Variants in GLIS1 observed in about 807,000 individuals in gnomAD.
GLIS1 encodes GLIS family zinc finger 1, also known as zinc finger protein GLIS1.
Under a neutral mutation model 63.8 loss-of-function variants are expected in GLIS1, and 24 were observed. The ratio of observed to expected loss-of-function variants is 0.38; its 90% CI spans 0.27 to 0.53. The LOEUF (loss-of-function observed/expected upper bound fraction) is 0.53. GLIS1 is among the 20% of genes least tolerant of loss of function. GLIS1 has a pLI of 0.85. For missense variants in GLIS1, 1,036 were observed against 1,074.1 expected (o/e 0.96, Z 0.50); for synonymous variants, 450 against 482.5 (o/e 0.93, Z 0.88).
At chr1:53,738,151 C>A in intron 1 of GLIS1, 45 bp from the exon 2 acceptor site, 1 of 1,133,970 alleles carries the variant, frequency 8.8e-7, no homozygotes, top group South Asian at 4.5e-5. Flanking sequence ...CGGAAAGCGG[C>A]CCCCGTATTG....
intron 2 of GLIS1, among the ~76,000 whole-genome samples, chr1:53,718,275 G>A (rs964002685): frequency 7.9e-5 from 12 of 152,136 alleles, no homozygotes; most frequent in South Asian, 4.1e-4. Flanking sequence ...TTGAAGAGAC[G>A]CCTCGGGAGG....
At chr1:53,525,793 C>T (rs1476509313) in intron 5 of GLIS1, among the ~76,000 whole-genome samples, 4 of 152,076 alleles carry the variant, frequency 2.6e-5, no homozygotes, top group African/African-American at 7.2e-5. Flanking sequence ...TCAGCTCTCC[C>T]GCAGCCACGT....
At chr1:53,627,685 T>C (rs944792079) in intron 2 of GLIS1, among the ~76,000 whole-genome samples, 1 of 152,208 alleles carries the variant, frequency 6.6e-6, no homozygotes, top group Non-Finnish European at 1.5e-5. Flanking sequence ...CTTAAAGAGA[T>C]AGCAGAATGC....
At chr1:53,643,953 G>T (rs1159725953) in intron 2 of GLIS1, among the ~76,000 whole-genome samples, 1 of 152,192 alleles carries the variant, frequency 6.6e-6, no homozygotes, top group Non-Finnish European at 1.5e-5. Flanking sequence ...CCAGTGAGCT[G>T]GGAGCCCAGC....
At chr1:53,721,676 G>A (rs75820566) in intron 2 of GLIS1, among the ~76,000 whole-genome samples, 4,970 of 152,194 alleles carry the variant, frequency 0.033, 116 homozygotes, top group South Asian at 0.11. Flanking sequence ...TAAAAACTAT[G>A]TTTGGCATTA....
chr1:53,597,910 GA>G (rs75177515), intron 3 of GLIS1, among the ~76,000 whole-genome samples: 2 of 151,288 alleles, frequency 1.3e-5, no homozygotes, highest in African/African-American at 2.4e-5. Context: ...TCTAGCAAAA[GA>G]AAAAAAAATC....
rs970729595 is a variant in GLIS1, at chr1:53,689,838, GCCTGGCCCTCAGGCC to G, written c.259+47953_259+47967del. Among the ~76,000 whole-genome samples the G allele has an allele frequency of 5.9e-5, 9 of 152,268 alleles. No homozygotes were observed. In the South Asian group the frequency reaches 8.3e-4, roughly 14 times the overall value. ...CTGCAGATGAGGTCCTAGGAGCTCA[GCCTGGCCCTCAGGCC>G]CCTGGCCCTCACCAGCCTTCACTTG... On this transcript the variant is annotated intron_variant, in intron 2 of 10. Transcript: ENST00000628545.
chr1:53,632,349 T>C (rs1350100878), intron 2 of GLIS1, among the ~76,000 whole-genome samples: 1 of 144,104 alleles, frequency 6.9e-6, no homozygotes, highest in South Asian at 2.3e-4. Flanking sequence ...GTGTAACAGA[T>C]GGGTGTGTGA....
intron 2 of GLIS1, among the ~76,000 whole-genome samples, chr1:53,718,088 C>T (rs1351380084): frequency 1.3e-5 from 2 of 152,198 alleles, no homozygotes; most frequent in Non-Finnish European, 2.9e-5. Flanking sequence ...CACTGGACAG[C>T]CCTGTGGTGG....
In GLIS1 at chr1:53,737,824, C is replaced by T. The variant is rs1646926223; in HGVS notation, c.241G>A (p.Ala81Thr). 1 of 1,231,092 alleles carries T rather than the reference C, an allele frequency of 8.1e-7. No homozygotes were observed. Among genetic ancestry groups the T allele is most frequent in the South Asian group, 4.1e-5 (1 of 24,318 alleles). The allele number at this position is 1,231,092 out of a possible 1,614,324, so 76.3% of individuals were successfully genotyped here. Residue 81 changes from alanine (A) to threonine (T), a missense_variant, in exon 2 of 11, where the codon GCC becomes ACC. Physicochemically the swap from Ala to Thr is moderately conservative, Grantham distance 58. Around this residue, in one of 3 missense-constraint regions of GLIS1, gnomAD observed 592 missense variants for 593.9 expected, o/e 1.00. Coordinates refer to ENST00000628545, the MANE Select transcript of GLIS1 (RefSeq NM_001367484.1). ...AACTCACCCTTCCCGGCGGCGGCGG[C>T]CTTGGATGGACCGTAGTCTCGGGGA... Reference protein sequence around the residue: ...RSPRDYGPSKAAAAGKVNGSY... With the variant: ...RSPRDYGPSKTAAAGKVNGSY...
intron 2 of GLIS1, among the ~76,000 whole-genome samples, chr1:53,610,560 G>C (rs1355864478): frequency 3.9e-5 from 6 of 152,140 alleles, no homozygotes; most frequent in Non-Finnish European, 8.8e-5. Context: ...TGAAGTTATT[G>C]CATCTTCCCC....
intron 2 of GLIS1, among the ~76,000 whole-genome samples, chr1:53,627,431 T>A (rs1645607677): frequency 6.6e-6 from 1 of 152,100 alleles, no homozygotes; most frequent in South Asian, 2.1e-4. Context: ...AAATTGAACC[T>A]CCCGCTTGCT....
intron 2 of GLIS1, among the ~76,000 whole-genome samples, chr1:53,665,079 C>G (rs1443521681): frequency 2.0e-5 from 3 of 152,072 alleles, no homozygotes; most frequent in Admixed American, 1.3e-4. Context: ...TCCGAGAGAG[C>G]CTATATAGCA....
At position 53,555,759 on chromosome 1, in the gene GLIS1, G is replaced by A. The variant is rs1356987610; in HGVS notation, c.1321-25807C>T. ...GTGTGTATGCAGGTGTACTGCAGGTGTGTGTGTGCAGGTGTACTGTAGGTA... is the reference window on the plus strand; with the variant it reads ...GTGTGTATGCAGGTGTACTGCAGGTATGTGTGTGCAGGTGTACTGTAGGTA... On this transcript the variant is annotated intron_variant, in intron 4 of 10. Coordinates refer to ENST00000628545, the MANE Select transcript of GLIS1 (RefSeq NM_001367484.1). Among the ~76,000 whole-genome samples, 3 of 151,686 alleles carry A rather than the reference G, an allele frequency of 2.0e-5. No homozygotes were observed. The East Asian group carries it at 5.8e-4, about 29-fold the overall frequency.
chr1:53,594,314 A>C lies in GLIS1; in HGVS notation c.1114T>G (p.Cys372Gly). The change falls in exon 4 of 11, where the codon TGC (cysteine) becomes GGC (glycine). Residue 372 changes from cysteine to glycine, a missense_variant. Cys to Gly is a radical substitution (Grantham distance 159). Around this residue, in one of 3 missense-constraint regions of GLIS1, gnomAD observed 592 missense variants for 593.9 expected, o/e 1.00. Coordinates refer to ENST00000628545, the MANE Select transcript of GLIS1 (RefSeq NM_001367484.1). ...AGRVVAGRQA[C>G]RWVDCCAAYE... is the part of the protein sequence containing the mutation. ...GCTGCACAGCAGTCCACCCAGCGGC[A>C]CGCCTGCCGCCCGGCCACCACCCTG... The C allele has an allele frequency of 6.2e-7, 1 of 1,612,090 alleles. No homozygotes were observed. Among genetic ancestry groups the C allele is most frequent in the Non-Finnish European group, 8.5e-7 (1 of 1,179,726 alleles).
At chr1:53,524,161 G>A (rs1641128529) in intron 6 of GLIS1, among the ~76,000 whole-genome samples, 1 of 152,208 alleles carries the variant, frequency 6.6e-6, no homozygotes, top group Non-Finnish European at 1.5e-5. Flanking sequence ...GATGGCTGAG[G>A]AACCTGAAGC....
chr1:53,585,821 C>G (rs1474902634), intron 4 of GLIS1, among the ~76,000 whole-genome samples: 1 of 152,226 alleles, frequency 6.6e-6, no homozygotes, highest in African/African-American at 2.4e-5. Context: ...CTGACTAGGG[C>G]AACAGTGCCC....
chr1:53,597,891 C>A (rs532967133), intron 3 of GLIS1, among the ~76,000 whole-genome samples: 22 of 144,494 alleles, frequency 1.5e-4, no homozygotes, highest in South Asian at 4.7e-4. Flanking sequence ...AATGATATTT[C>A]TGACTATCTC....
chr1:53,590,873 A>G (rs749224828), intron 4 of GLIS1, among the ~76,000 whole-genome samples: 3 of 152,312 alleles, frequency 2.0e-5, no homozygotes, highest in Middle Eastern at 3.4e-3. Context: ...TAAGATGCTC[A>G]GGCAGAGGGG....
Sources: allele counts gnomAD v4.1 joint callset (sites outside exome capture counted in the v4.1 genomes callset), GRCh38; gene constraint gnomAD v4.1.1; regional missense constraint gnomAD v4.1.1; transcripts MANE v1.5; gene names NCBI Gene and HGNC (gene_info 2026-07-23, HGNC 2026-07-21).